TNFAIP8L3: variants seen among roughly 807,000 people sequenced by gnomAD.
TNFAIP8L3 encodes tumor necrosis factor alpha-induced protein 8-like protein 3.
TNFAIP8L3 carries 7 observed loss-of-function variants against 11.8 expected under a neutral mutation model. That is an observed-to-expected ratio of 0.59 (90% CI 0.34 to 1.11). TNFAIP8L3 has a LOEUF of 1.11. Among genes scored for constraint, TNFAIP8L3 ranks in the 50% most tolerant of loss-of-function variants. The pLI, the probability that TNFAIP8L3 is intolerant of heterozygous loss-of-function variation, is 0.03. For synonymous variants in TNFAIP8L3, 98 were observed against 103.8 expected (o/e 0.94, Z 0.34); for missense variants, 219 against 258.6 (o/e 0.85, Z 1.05).
At chr15:51,080,888 CA>C (rs2065386573) in intron 1 of TNFAIP8L3, among the ~76,000 whole-genome samples, 5 of 152,194 alleles carry the variant, frequency 3.3e-5, no homozygotes, top group Admixed American at 3.3e-4. Flanking sequence ...GACTTTATTC[CA>C]ACCACACCCT....
chr15:51,060,678 G>A (rs72744354), intron 1 of TNFAIP8L3, among the ~76,000 whole-genome samples: 3,396 of 152,324 alleles, frequency 0.022, 56 homozygotes, highest in Non-Finnish European at 0.034. Context: ...TGCTGGTTCT[G>A]TGTCAGGCGC....
At chr15:51,096,128 G>A (rs148581242), upstream of TNFAIP8L3, among the ~76,000 whole-genome samples, 8 of 152,332 alleles carry the variant, frequency 5.3e-5, no homozygotes, top group East Asian at 1.5e-3. Context: ...GTAGGTGGGT[G>A]AACTGGGACT....
intron 1 of TNFAIP8L3, among the ~76,000 whole-genome samples, chr15:51,066,480 G>T (rs1204041448): frequency 6.6e-6 from 1 of 152,156 alleles, no homozygotes; most frequent in Non-Finnish European, 1.5e-5. Context: ...GAACTTTCAT[G>T]ATGAGCAACC....
chr15:51,057,983 C>T lies in TNFAIP8L3; in HGVS notation c.513G>A (p.Val171=). The part of the protein sequence containing the change: ...INHVFNHFAD[V]EFLSTLYSLD... ...GACTATAGAGGGTGGAGAGGAACTC[C>T]ACATCGGCAAAGTGGTTAAAGACGT... Residue 171 remains valine (V), a synonymous_variant, in exon 2 of 2, where the codon GTG becomes GTA. Coordinates refer to ENST00000637513, the MANE Select transcript of TNFAIP8L3 (RefSeq NM_001311175.2). 2 of 1,614,210 alleles carry T rather than the reference C, an allele frequency of 1.2e-6. No individual in the cohort carries two copies. Among genetic ancestry groups the T allele is most frequent in the Non-Finnish European group, 1.7e-6 (2 of 1,180,042 alleles).
chr15:51,089,295 C>T (rs899012919), intron 1 of TNFAIP8L3, among the ~76,000 whole-genome samples: 3 of 152,190 alleles, frequency 2.0e-5, no homozygotes, highest in Non-Finnish European at 4.4e-5. Flanking sequence ...GCTTAGGGGA[C>T]ATGGGTGGCA....
intron 1 of TNFAIP8L3, among the ~76,000 whole-genome samples, chr15:51,060,157 G>T (rs1239807938): frequency 6.6e-6 from 1 of 152,204 alleles, no homozygotes. Flanking sequence ...AGAGTTTGAG[G>T]CAAATGATAT....
At chr15:51,073,746 T>G (rs530430924) in intron 1 of TNFAIP8L3, among the ~76,000 whole-genome samples, 1 of 152,264 alleles carries the variant, frequency 6.6e-6, no homozygotes, top group Non-Finnish European at 1.5e-5. Flanking sequence ...GTCTTGTTCC[T>G]AACTTTAACA....
chr15:51,100,439 T>G (rs896048038), intron 1 of TNFAIP8L3, among the ~76,000 whole-genome samples: 2 of 152,122 alleles, frequency 1.3e-5, no homozygotes, highest in African/African-American at 4.8e-5. Context: ...AGAAAGAATT[T>G]GATGCTTGTG....
intron 1 of TNFAIP8L3, among the ~76,000 whole-genome samples, chr15:51,104,787 T>C (rs2065578113): frequency 6.6e-6 from 1 of 152,196 alleles, no homozygotes; most frequent in Non-Finnish European, 1.5e-5. Context: ...AGTGAATCAA[T>C]GTTGAGTAAT....
At chr15:51,079,855 C>CA (rs10602536) in intron 1 of TNFAIP8L3, among the ~76,000 whole-genome samples, 1,649 of 77,128 alleles carry the variant, frequency 0.021, 28 homozygotes, top group African/African-American at 0.025. Flanking sequence ...GACTTTGTCT[C>CA]AAAAAAAAAA....
exon 1 of TNFAIP8L3, chr15:51,105,174 C>T: frequency 6.2e-7 from 1 of 1,613,328 alleles, no homozygotes; most frequent in Non-Finnish European, 8.5e-7. Context: ...GTGGTTTCCC[C>T]ATTTGGACTC....
intron 1 of TNFAIP8L3, among the ~76,000 whole-genome samples, chr15:51,087,209 C>A (rs2065435439): frequency 6.6e-6 from 1 of 152,212 alleles, no homozygotes; most frequent in Non-Finnish European, 1.5e-5. Context: ...CTGTAACCCC[C>A]AATCCCAGCC....
chr15:51,067,121 T>A (rs1429494634), intron 1 of TNFAIP8L3, among the ~76,000 whole-genome samples: 1 of 152,096 alleles, frequency 6.6e-6, no homozygotes. Context: ...CTTTCATACG[T>A]GAGAGAGGGT....
rs565205048 is a variant in TNFAIP8L3 at position 51,080,806 on chromosome 15, G to A, written c.52+13738C>T. ...GGCCTGGGGGCCTCAGTTGGCTGCCGCCTGAGTAAGCAGCTATCTCAGGAA... is the reference window on the plus strand; with the variant it reads ...GGCCTGGGGGCCTCAGTTGGCTGCCACCTGAGTAAGCAGCTATCTCAGGAA... On this transcript the variant is annotated intron_variant, in intron 1 of 1. Transcript: ENST00000637513. Among the ~76,000 whole-genome samples the A allele has an allele frequency of 5.4e-4, 82 of 152,364 alleles. 1 individual carries two copies. The highest frequency in any genetic ancestry group is 6.8e-3 in the Middle Eastern group (2 of 294).
upstream of TNFAIP8L3, among the ~76,000 whole-genome samples, chr15:51,097,408 G>C (rs1156369033): frequency 1.3e-5 from 2 of 152,150 alleles, no homozygotes; most frequent in Admixed American, 6.5e-5. Context: ...TTTGGGCATG[G>C]GGGGGAGAGA....
At position 51,058,541 on chromosome 15, in the gene TNFAIP8L3, G is replaced by C. The variant is rs191692146; in HGVS notation, c.53-98C>G. On this transcript the variant is annotated intron_variant, in intron 1 of 1. Transcript: ENST00000637513. Reference sequence around the variant, plus strand: ...ACACTAACTTGAACTTATGTTCTTAGAGCAAAAACTCATGTCTTTATATTC... The same window carrying C: ...ACACTAACTTGAACTTATGTTCTTACAGCAAAAACTCATGTCTTTATATTC... 28 of 1,134,874 alleles carry C rather than the reference G, an allele frequency of 2.5e-5. No homozygotes were observed. In the East Asian group the frequency reaches 7.3e-4, roughly 30 times the overall value. 70.3% of individuals were successfully genotyped at this position (1,134,874 alleles called of 1,614,324 possible).
At chr15:51,061,906 G>GACATTACC (rs2065244375) in intron 1 of TNFAIP8L3, among the ~76,000 whole-genome samples, 1 of 152,166 alleles carries the variant, frequency 6.6e-6, no homozygotes, top group African/African-American at 2.4e-5. Flanking sequence ...CTTACCAAAA[G>GACATTACC]AATCATCATT....
chr15:51,076,992 G>A (rs1049444991), intron 1 of TNFAIP8L3, among the ~76,000 whole-genome samples: 1 of 151,920 alleles, frequency 6.6e-6, no homozygotes, highest in Non-Finnish European at 1.5e-5. Flanking sequence ...GATTCCTGCC[G>A]CCCCCCATTC....
intron 1 of TNFAIP8L3, among the ~76,000 whole-genome samples, chr15:51,083,329 C>T (rs1376810370): frequency 2.6e-5 from 4 of 152,108 alleles, no homozygotes; most frequent in Non-Finnish European, 5.9e-5. Flanking sequence ...AGACCAATAC[C>T]TCCTAAAAGC....
Sources: gnomAD v4.1 joint callset for allele counts (sites outside exome capture counted in the v4.1 genomes callset) on GRCh38, gnomAD v4.1.1 for gene constraint, MANE v1.5 for transcripts, NCBI Gene and HGNC (gene_info 2026-07-23, HGNC 2026-07-21) for gene names.